The following BRF1 variants were observed in gnomAD, a reference collection of about 807,000 sequenced individuals.
The protein encoded by BRF1 is transcription factor IIIB 90 kDa subunit.
BRF1 carries 59 observed loss-of-function variants against 81.7 expected under a neutral mutation model. That is an observed-to-expected ratio of 0.72 (90% CI 0.59 to 0.90). The LOEUF is 0.90. Among genes scored for constraint, BRF1 ranks in the 40% least tolerant of loss-of-function variants. The pLI, the probability that BRF1 is intolerant of heterozygous loss-of-function variation, is 0.00. For synonymous variants in BRF1, 491 were observed against 395.6 expected, an observed-to-expected ratio of 1.24 and a Z score of -2.86; for missense variants, 1,050 against 936.3, an observed-to-expected ratio of 1.12 and a Z score of -1.58.
In BRF1 at chr14:105,221,856, C is replaced by T; in HGVS notation, c.1107G>A (p.Glu369=). Residue 369 remains glutamate (E), a synonymous_variant, in exon 11 of 18, where the codon GAG becomes GAA. Transcript: ENST00000547530. The stretch of plus-strand genomic sequence containing the variant: ...TCAGGTGGCTGGCCGCGGCTTCCAG[C>T]TCCTCGTCCTCTGTGTCCTCCTCGC... The part of the protein sequence containing the change: ...LCGEEDTEDE[E]LEAAASHLNK... 1.2e-6 allele frequency: 2 copies of T among 1,604,470 alleles called. No homozygotes were observed. The highest frequency in any genetic ancestry group is 2.2e-5 in the East Asian group (1 of 44,480).
chr14:105,256,426 A>G (rs1463490833), intron 4 of BRF1, 92 bp downstream of exon 4: 1 of 1,613,350 alleles, frequency 6.2e-7, no homozygotes, highest in African/African-American at 1.3e-5. Context: ...AGATGCGTGG[A>G]GGCACCTGGG....
chr14:105,251,900 A>G (rs2055636778), intron 5 of BRF1, among the ~76,000 whole-genome samples: 1 of 151,918 alleles, frequency 6.6e-6, no homozygotes, highest in Non-Finnish European at 1.5e-5. Flanking sequence ...GACAGGACTT[A>G]CCCTACACCT....
Position 105,209,740 on chromosome 14 carries a change from C to G in BRF1, c.*811G>C. 1.7e-6 allele frequency: 1 copy of G among 603,652 alleles called. No individual in the cohort carries two copies. The highest frequency in any genetic ancestry group is 3.0e-6 in the Non-Finnish European group (1 of 336,664). The allele number at this position is 603,652 out of a possible 1,614,324, so 37.4% of individuals were successfully genotyped here. On this transcript the variant is annotated 3_prime_UTR_variant, in exon 18 of 18. Transcript: ENST00000547530. ...TCCCAGCGCCAGGACACTATGCAGG[C>G]TATGCCCGCACTGCCTACAGAGCTA...
At chr14:105,254,406 A>G (rs61996218) in intron 4 of BRF1, among the ~76,000 whole-genome samples, 1,581 of 151,998 alleles carry the variant, frequency 0.01, 18 homozygotes, top group Non-Finnish European at 0.017. Flanking sequence ...ACAGGCGCCC[A>G]CCACCACGCC....
At chr14:105,294,735 C>G (rs1050890403) in intron 1 of BRF1, among the ~76,000 whole-genome samples, 4 of 152,130 alleles carry the variant, frequency 2.6e-5, no homozygotes, top group Non-Finnish European at 4.4e-5. Context: ...ACACAAAACA[C>G]CAACATCTGA....
chr14:105,211,015 CAG>C (rs1252463832), intron 17 of BRF1, 105 bp downstream of exon 17: 9 of 1,501,878 alleles, frequency 6.0e-6, no homozygotes, highest in African/African-American at 1.4e-5. Flanking sequence ...CAGGGAGAAA[CAG>C]AAATTTAGTT....
chr14:105,278,250 C>T (rs2056925128), intron 2 of BRF1, among the ~76,000 whole-genome samples: 1 of 151,650 alleles, frequency 6.6e-6, no homozygotes, highest in South Asian at 2.1e-4. Context: ...CCCAGAAGTT[C>T]AAGACCAGCC....
At chr14:105,270,213 G>C (rs998413456) in intron 3 of BRF1, among the ~76,000 whole-genome samples, 2 of 147,594 alleles carry the variant, frequency 1.4e-5, no homozygotes, top group Non-Finnish European at 3.0e-5. Context: ...TCACTCTGTA[G>C]CCCAGGCTGG....
intron 5 of BRF1, chr14:105,249,536 C>T: frequency 6.2e-7 from 1 of 1,600,158 alleles, no homozygotes; most frequent in East Asian, 2.2e-5. Flanking sequence ...CCTCCGGAGG[C>T]TTCTGAAGGG....
At chr14:105,213,495 C>T (rs1890507179) in intron 15 of BRF1, 1 of 152,026 alleles carries the variant, frequency 6.6e-6, no homozygotes, top group South Asian at 2.1e-4. Flanking sequence ...ACTGCAACCT[C>T]TGGAAGAGGC....
intron 5 of BRF1, 79 bp from the exon 6 acceptor site, chr14:105,241,493 G>T: frequency 6.4e-7 from 1 of 1,568,712 alleles, no homozygotes. Context: ...GCCCAGGGGT[G>T]GGGCAACCTG....
chr14:105,290,573 T>C (rs142796567), intron 1 of BRF1, among the ~76,000 whole-genome samples: 1 of 152,224 alleles, frequency 6.6e-6, no homozygotes, highest in Non-Finnish European at 1.5e-5. Flanking sequence ...CCACGTTAAA[T>C]TACAGTGATG....
At chr14:105,289,494 C>T (rs1409895197) in intron 1 of BRF1, among the ~76,000 whole-genome samples, 1 of 152,214 alleles carries the variant, frequency 6.6e-6, no homozygotes, top group African/African-American at 2.4e-5. Flanking sequence ...AGGAGAGACC[C>T]ATCCTGGAAT....
intron 7 of BRF1, 95 bp downstream of exon 7, chr14:105,228,725 G>T (rs745892388): frequency 7.1e-7 from 1 of 1,400,210 alleles, no homozygotes; most frequent in Non-Finnish European, 1.0e-6. Flanking sequence ...GGGACGGCAG[G>T]GTCCCGGGAG....
At chr14:105,248,013 G>A in intron 5 of BRF1, 2 of 985,484 alleles carry the variant, frequency 2.0e-6, no homozygotes, top group Non-Finnish European at 2.4e-6. Context: ...AGGGCTGCAG[G>A]CCCAGGGCCA....
chr14:105,256,362 T>C (rs776671005), intron 4 of BRF1, 156 bp downstream of exon 4: 10 of 1,571,688 alleles, frequency 6.4e-6, no homozygotes, highest in Non-Finnish European at 8.6e-6. Context: ...TGAAGGCCCC[T>C]CATCCTACAG....
At chr14:105,313,810 TCTG>T (rs1440036036) in intron 1 of BRF1, among the ~76,000 whole-genome samples, 1 of 152,218 alleles carries the variant, frequency 6.6e-6, no homozygotes, top group Non-Finnish European at 1.5e-5. Flanking sequence ...CGGCTTGGCA[TCTG>T]GTGCTGGACC....
chr14:105,241,815 G>T (rs587697533), intron 5 of BRF1: 2 of 226,288 alleles, frequency 8.8e-6, no homozygotes, highest in African/African-American at 4.5e-5. Context: ...GTCGCCAGCC[G>T]GCCGGCATCA....
chr14:105,251,176 G>A (rs934057037), intron 5 of BRF1: 1 of 159,792 alleles, frequency 6.3e-6, no homozygotes, highest in Non-Finnish European at 1.4e-5. Context: ...CTCCCATCCC[G>A]AGGAGAAAAC....
Sources: gnomAD v4.1 joint callset for allele counts (sites outside exome capture counted in the v4.1 genomes callset) on GRCh38, gnomAD v4.1.1 for gene constraint, MANE v1.5 for transcripts, NCBI Gene and HGNC (gene_info 2026-07-23, HGNC 2026-07-21) for gene names.